Variants in NRXN3 observed in about 807,000 individuals in gnomAD.
NRXN3 encodes neurexin III.
In NRXN3, 32 loss-of-function variants were observed where a neutral mutation model predicts 137.6. That is an observed-to-expected ratio of 0.23 (90% CI 0.18 to 0.31). The LOEUF (loss-of-function observed/expected upper bound fraction) is 0.31. Ranked by LOEUF, NRXN3 falls within the 10% of genes least tolerant of loss-of-function variation. NRXN3 has a pLI of 1.00. For synonymous variants in NRXN3, 798 were observed against 784.5 expected, an observed-to-expected ratio of 1.02 and a Z score of -0.29; for missense variants, 1,574 against 2,062.5, an observed-to-expected ratio of 0.76 and a Z score of 4.59.
intron 8 of NRXN3, among the ~76,000 whole-genome samples, chr14:78,726,959 TAAA>T (rs55802240): frequency 5.0e-5 from 6 of 120,996 alleles, no homozygotes; most frequent in Admixed American, 8.9e-5. Flanking sequence ...ATTTATTCAC[TAAA>T]AAAAAAAAAA....
chr14:78,960,468 A>G (rs1477041207), intron 11 of NRXN3, among the ~76,000 whole-genome samples: 3 of 152,212 alleles, frequency 2.0e-5, no homozygotes, highest in African/African-American at 7.2e-5. Flanking sequence ...GAAATGATGT[A>G]AAGAATAGGT....
rs150705537 is a variant in NRXN3, at chr14:78,366,849, G to A, written c.757+68989G>A. Reference sequence around the variant, plus strand: ...TTACAATTCAATATGAGATCTGGGCGTGGACACAGCCAAGCCATATCATTG... The same window carrying A: ...TTACAATTCAATATGAGATCTGGGCATGGACACAGCCAAGCCATATCATTG... On this transcript the variant is annotated intron_variant, in intron 4 of 20. Coordinates refer to ENST00000335750, the MANE Select transcript of NRXN3 (RefSeq NM_001330195.2). Among the ~76,000 whole-genome samples, 377 of 152,326 alleles carry A rather than the reference G, an allele frequency of 2.5e-3. 5 individuals are homozygous for A. The highest frequency in any genetic ancestry group is 8.6e-3 in the African/African-American group (357 of 41,584).
chr14:79,227,720 T>A (rs1376825158), intron 15 of NRXN3, among the ~76,000 whole-genome samples: 1 of 150,164 alleles, frequency 6.7e-6, no homozygotes, highest in African/African-American at 2.5e-5. Context: ...TTCTTTCTTT[T>A]TCTCTCTCTC....
intron 4 of NRXN3, among the ~76,000 whole-genome samples, chr14:78,440,358 T>C (rs573248409): frequency 1.3e-5 from 2 of 152,022 alleles, no homozygotes; most frequent in East Asian, 3.9e-4. Context: ...CCCTGAGGAA[T>C]GGCCAAGATG....
At chr14:79,551,923 C>T (rs1022856233) in intron 16 of NRXN3, among the ~76,000 whole-genome samples, 2 of 152,184 alleles carry the variant, frequency 1.3e-5, no homozygotes, top group African/African-American at 2.4e-5. Flanking sequence ...TTTCCTGTGA[C>T]ATCCAGGTGA....
chr14:79,653,957 C>T (rs1314587902), intron 16 of NRXN3, among the ~76,000 whole-genome samples: 2 of 152,114 alleles, frequency 1.3e-5, no homozygotes, highest in Non-Finnish European at 2.9e-5. Flanking sequence ...GGAAAGTACC[C>T]CACTCTGGGT....
intron 20 of NRXN3, among the ~76,000 whole-genome samples, chr14:79,852,111 C>T (rs1178365359): frequency 2.0e-5 from 3 of 152,004 alleles, no homozygotes; most frequent in Non-Finnish European, 4.4e-5. Context: ...CCCCTCTATG[C>T]CCGTAAAATA....
chr14:78,956,114 T>G (rs968257502), intron 10 of NRXN3, among the ~76,000 whole-genome samples: 1 of 152,154 alleles, frequency 6.6e-6, no homozygotes, highest in African/African-American at 2.4e-5. Context: ...ACTTATATGT[T>G]ATATCATTTT....
chr14:78,912,804 A>G (rs1243522261), intron 10 of NRXN3, among the ~76,000 whole-genome samples: 1 of 152,220 alleles, frequency 6.6e-6, no homozygotes, highest in Non-Finnish European at 1.5e-5. Context: ...ATGAATGAGA[A>G]TACATGGAGG....
At chr14:78,652,927 G>A (rs765359193) in intron 6 of NRXN3, among the ~76,000 whole-genome samples, 7 of 152,220 alleles carry the variant, frequency 4.6e-5, no homozygotes, top group African/African-American at 1.7e-4. Flanking sequence ...CATGTGTTCA[G>A]TGGCACATAC....
intron 6 of NRXN3, among the ~76,000 whole-genome samples, chr14:78,694,251 T>A (rs1308804862): frequency 1.3e-5 from 2 of 152,038 alleles, no homozygotes. Context: ...TTTTAATCTT[T>A]GTATTTCCAT....
chr14:79,838,981 C>T (rs188009266), intron 20 of NRXN3, among the ~76,000 whole-genome samples: 1 of 152,278 alleles, frequency 6.6e-6, no homozygotes, highest in Admixed American at 6.5e-5. Flanking sequence ...TAGAATTGGG[C>T]AACACCTTGT....
intron 5 of NRXN3, 83 bp from the exon 6 acceptor site, chr14:78,651,082 C>A: frequency 7.9e-7 from 1 of 1,268,732 alleles, no homozygotes; most frequent in Non-Finnish European, 1.1e-6. Flanking sequence ...AAAGTGATGC[C>A]ACAAGTAGGG....
intron 15 of NRXN3, among the ~76,000 whole-genome samples, chr14:79,306,622 G>A (rs1180019507): frequency 2.6e-5 from 4 of 152,080 alleles, no homozygotes; most frequent in Admixed American, 6.6e-5. Context: ...GAGCTTGAGA[G>A]GTGCTGTTCA....
At chr14:79,537,403 T>G (rs976491548) in intron 16 of NRXN3, among the ~76,000 whole-genome samples, 1 of 152,130 alleles carries the variant, frequency 6.6e-6, no homozygotes, top group Non-Finnish European at 1.5e-5. Flanking sequence ...AACTTGTCAT[T>G]TAACATTAGG....
At chr14:78,188,611 A>G (rs928723177) in intron 1 of NRXN3, among the ~76,000 whole-genome samples, 1 of 152,180 alleles carries the variant, frequency 6.6e-6, no homozygotes, top group African/African-American at 2.4e-5. Context: ...ATGGGCTGCT[A>G]TGTTCATTGA....
At chr14:79,272,216 GTTT>G (rs71131691) in intron 15 of NRXN3, among the ~76,000 whole-genome samples, 1 of 132,598 alleles carries the variant, frequency 7.5e-6, no homozygotes, top group African/African-American at 2.8e-5. Flanking sequence ...TTTGGTTTAG[GTTT>G]TTTTTTTTTT....
At chr14:78,687,826 C>T (rs1289849611) in intron 6 of NRXN3, among the ~76,000 whole-genome samples, 1 of 152,200 alleles carries the variant, frequency 6.6e-6, no homozygotes, top group Admixed American at 6.5e-5. Context: ...CAGAAGTAAT[C>T]ATATGGCTCC....
At chr14:78,369,205 C>G (rs1013314374) in intron 4 of NRXN3, among the ~76,000 whole-genome samples, 3 of 151,804 alleles carry the variant, frequency 2.0e-5, no homozygotes, top group African/African-American at 7.3e-5. Context: ...AAAAATAAGG[C>G]TCAGAGAGAT....
Sources: gnomAD v4.1 joint callset for allele counts (sites outside exome capture counted in the v4.1 genomes callset) on GRCh38, gnomAD v4.1.1 for gene constraint, MANE v1.5 for transcripts, NCBI Gene and HGNC (gene_info 2026-07-23, HGNC 2026-07-21) for gene names.